The following PCDHA10 variants were observed in gnomAD, a reference collection of about 807,000 sequenced individuals.
PCDHA10 encodes protocadherin alpha-10.
A neutral mutation model predicts 61.2 loss-of-function variants in PCDHA10; 45 were observed. The observed-to-expected ratio is 0.74, with a 90% CI of 0.58 to 0.94. The LOEUF (loss-of-function observed/expected upper bound fraction) is 0.94, where lower values mean the gene tolerates loss of function less well. Ranked by LOEUF, PCDHA10 falls within the 40% of genes least tolerant of loss-of-function variation. The pLI, the probability that PCDHA10 is intolerant of heterozygous loss-of-function variation, is 0.00. For missense variants in PCDHA10, 1,278 were observed against 1,236.2 expected (o/e 1.03, Z -0.51); for synonymous variants, 602 against 548.8 (o/e 1.10, Z -1.35).
chr5:140,856,495 T>G lies in PCDHA10; in HGVS notation c.447T>G (p.Ser149=), dbSNP rs1554148773. 5.0e-6 allele frequency: 8 copies of G among 1,598,330 alleles called. 1 individual carries two copies. Among genetic ancestry groups the G allele is most frequent in the African/African-American group, 2.7e-5 (2 of 74,276 alleles). ...TACCTGAATCCAGACTGCTTGACTC[T>G]CGATTTCCACTAGAAGGCGCATCTG... ...LSIPESRLLD[S]RFPLEGASDA... is the part of the protein sequence containing the mutation. Residue 149 remains serine (S), a synonymous_variant, in exon 1 of 4, where the codon TCT becomes TCG. Transcript: ENST00000307360.
intron 1 of PCDHA10, among the ~76,000 whole-genome samples, chr5:140,948,234 T>G (rs1011132417): frequency 6.6e-6 from 1 of 151,670 alleles, no homozygotes; most frequent in African/African-American, 2.4e-5. Flanking sequence ...TTAACTTGTA[T>G]TTTAGTAAAT....
chr5:140,873,318 G>A (rs1164778902), intron 1 of PCDHA10, among the ~76,000 whole-genome samples: 1 of 152,168 alleles, frequency 6.6e-6, no homozygotes, highest in Non-Finnish European at 1.5e-5. Context: ...GTGAATATTA[G>A]ATAGGGCATA....
intron 1 of PCDHA10, among the ~76,000 whole-genome samples, chr5:140,962,851 C>T (rs2095713637): frequency 1.3e-5 from 2 of 152,114 alleles, no homozygotes; most frequent in South Asian, 4.1e-4. Flanking sequence ...ATAACTTGTG[C>T]TCGGTTTGTA....
chr5:140,860,192 C>CATATATATATATATATATAT (rs143984774), intron 1 of PCDHA10: 1 of 146,816 alleles, frequency 6.8e-6, no homozygotes, highest in African/African-American at 2.5e-5. Context: ...GCTCTCCTTA[C>CATATATATATATATATATAT]ATATATATCT....
At chr5:140,967,272 T>C in intron 1 of PCDHA10, 2 of 1,613,412 alleles carry the variant, frequency 1.2e-6, no homozygotes, top group Non-Finnish European at 1.7e-6. Flanking sequence ...CGCTTTCACA[T>C]AGAGAGTGCG....
chr5:140,876,069 A>G (rs1554168246), intron 1 of PCDHA10: 1 of 1,613,948 alleles, frequency 6.2e-7, no homozygotes, highest in South Asian at 1.1e-5. Flanking sequence ...TTCGGAAGTT[A>G]TTGGACAGAG....
At chr5:140,985,151 A>G (rs1335001570) in intron 3 of PCDHA10, among the ~76,000 whole-genome samples, 3 of 152,092 alleles carry the variant, frequency 2.0e-5, no homozygotes, top group Admixed American at 2.0e-4. Flanking sequence ...GTTAGCCAGG[A>G]TTGTCTCAAT....
intron 1 of PCDHA10, among the ~76,000 whole-genome samples, chr5:140,890,494 C>A (rs1554184398): frequency 1.3e-5 from 2 of 152,064 alleles, no homozygotes; most frequent in South Asian, 4.1e-4. Context: ...TTTGTCTCAC[C>A]ATTTTTATGT....
At chr5:140,871,648 T>C (rs948584860) in intron 1 of PCDHA10, 2 of 1,275,648 alleles carry the variant, frequency 1.6e-6, no homozygotes, top group Non-Finnish European at 2.1e-6. Context: ...AAATACCAAA[T>C]GATACACATC....
chr5:140,992,823 T>A (rs1261484178), intron 3 of PCDHA10, among the ~76,000 whole-genome samples: 1 of 152,140 alleles, frequency 6.6e-6, no homozygotes, highest in Non-Finnish European at 1.5e-5. Flanking sequence ...ATGTGTTTGT[T>A]TTTTGGGAAC....
At chr5:140,910,485 A>G (rs1251216481) in intron 1 of PCDHA10, among the ~76,000 whole-genome samples, 1 of 152,206 alleles carries the variant, frequency 6.6e-6, no homozygotes. Flanking sequence ...TGGCATACAG[A>G]GAAGAGCAAT....
At chr5:140,965,436 G>A (rs1389592396) in intron 1 of PCDHA10, among the ~76,000 whole-genome samples, 1 of 152,038 alleles carries the variant, frequency 6.6e-6, no homozygotes, top group Non-Finnish European at 1.5e-5. Flanking sequence ...TGCAGTCATT[G>A]AAATTGCTGG....
At chr5:140,942,541 G>C (rs1241528363) in intron 1 of PCDHA10, among the ~76,000 whole-genome samples, 1 of 152,056 alleles carries the variant, frequency 6.6e-6, no homozygotes, top group African/African-American at 2.4e-5. Context: ...CAGTATGGTG[G>C]GGGGTAGGGG....
intron 1 of PCDHA10, chr5:140,860,111 A>T (rs1337460322): frequency 6.6e-6 from 1 of 151,186 alleles, no homozygotes; most frequent in African/African-American, 2.4e-5. Context: ...CGACATAGGG[A>T]TATCTTGTAC....
At chr5:140,890,141 C>T (rs573390664) in intron 1 of PCDHA10, among the ~76,000 whole-genome samples, 6 of 152,182 alleles carry the variant, frequency 3.9e-5, no homozygotes, top group African/African-American at 1.4e-4. Context: ...TGAAATTGGC[C>T]ATGGTAGGAG....
At chr5:140,970,567 T>G (rs558796957) in intron 1 of PCDHA10, among the ~76,000 whole-genome samples, 7 of 152,284 alleles carry the variant, frequency 4.6e-5, no homozygotes, top group African/African-American at 1.7e-4. Context: ...TCCATATGTA[T>G]GCTTGAAATA....
chr5:140,903,086 C>T lies in PCDHA10; in HGVS notation c.2388+44650C>T, dbSNP rs534457835. 2.6e-5 allele frequency among the ~76,000 whole-genome samples: 4 copies of T among 152,260 alleles called. No homozygotes were observed. In the East Asian group the frequency reaches 7.7e-4, roughly 29 times the overall value. ...CCTTTGGGTAGATACCTGATAGTGGCATTGCTGGATCAAATAATAGCTCTA... is the reference window on the plus strand; with the variant it reads ...CCTTTGGGTAGATACCTGATAGTGGTATTGCTGGATCAAATAATAGCTCTA... On this transcript the variant is annotated intron_variant, in intron 1 of 3. Transcript: ENST00000307360.
chr5:140,907,365 G>A (rs782137145), intron 1 of PCDHA10, among the ~76,000 whole-genome samples: 20 of 152,178 alleles, frequency 1.3e-4, no homozygotes, highest in African/African-American at 2.4e-4. Flanking sequence ...TTCTTTAGTC[G>A]TAAAGTGAGT....
chr5:140,988,193 A>G (rs528689173), intron 3 of PCDHA10, among the ~76,000 whole-genome samples: 4 of 152,192 alleles, frequency 2.6e-5, no homozygotes, highest in South Asian at 2.1e-4. Flanking sequence ...AGGTGTGTGC[A>G]TATCCTTATT....
Sources: allele counts gnomAD v4.1 joint callset (sites outside exome capture counted in the v4.1 genomes callset), GRCh38; gene constraint gnomAD v4.1.1; transcripts MANE v1.5; gene names NCBI Gene and HGNC (gene_info 2026-07-23, HGNC 2026-07-21).